TTBK2: variants seen among roughly 807,000 people sequenced by gnomAD.
The protein encoded by TTBK2 is tau tubulin kinase 2.
Under a neutral mutation model 110.8 loss-of-function variants are expected in TTBK2, and 28 were observed. The ratio of observed to expected loss-of-function variants is 0.25; its 90% CI spans 0.19 to 0.35. TTBK2 has a LOEUF of 0.35. Ranked by LOEUF, TTBK2 falls within the 10% of genes least tolerant of loss-of-function variation. TTBK2 has a pLI of 1.00. For missense variants in TTBK2, 1,369 were observed against 1,500.3 expected, an observed-to-expected ratio of 0.91 and a Z score of 1.45; for synonymous variants, 532 against 527.3, an observed-to-expected ratio of 1.01 and a Z score of -0.12.
At chr15:42,916,614 A>AG (rs1324642263) in intron 1 of TTBK2, among the ~76,000 whole-genome samples, 1 of 152,222 alleles carries the variant, frequency 6.6e-6, no homozygotes, top group Non-Finnish European at 1.5e-5. Context: ...TACACGTGTG[A>AG]GCCACCACAC....
At chr15:42,759,034 GA>G (rs779711892) in intron 13 of TTBK2, among the ~76,000 whole-genome samples, 3 of 152,186 alleles carry the variant, frequency 2.0e-5, no homozygotes, top group Non-Finnish European at 4.4e-5. Flanking sequence ...CTGGGGGCCA[GA>G]AGCCACTGCA....
intron 14 of TTBK2, among the ~76,000 whole-genome samples, chr15:42,750,576 A>G (rs2061851777): frequency 6.6e-6 from 1 of 152,116 alleles, no homozygotes; most frequent in Non-Finnish European, 1.5e-5. Context: ...TACAGAAAAA[A>G]AAAGGAGTAA....
At chr15:42,774,412 G>C (rs747759487) in intron 13 of TTBK2, among the ~76,000 whole-genome samples, 1 of 152,118 alleles carries the variant, frequency 6.6e-6, no homozygotes, top group Non-Finnish European at 1.5e-5. Context: ...CAGTCACCAG[G>C]GGCACCACTG....
intron 11 of TTBK2, among the ~76,000 whole-genome samples, chr15:42,780,462 A>G (rs1260837825): frequency 6.6e-6 from 1 of 151,808 alleles, no homozygotes; most frequent in Admixed American, 6.6e-5. Context: ...GGTAGTTAGG[A>G]TATTGCTTAA....
At chr15:42,801,048 C>G (rs1405660287) in intron 9 of TTBK2, 3 of 767,400 alleles carry the variant, frequency 3.9e-6, no homozygotes, top group Admixed American at 1.7e-5. Context: ...CCTGGAGGAG[C>G]TGGTGTGGCT....
Position 42,802,024 on chromosome 15 carries a change from T to G in TTBK2, c.823-7223A>C, listed in dbSNP as rs372010026. 85 of 1,486,526 alleles carry G rather than the reference T, an allele frequency of 5.7e-5. No individual in the cohort carries two copies. In the African/African-American group the frequency reaches 9.0e-4, roughly 16 times the overall value. The allele number at this position is 1,486,526 out of a possible 1,614,324, so 92.1% of individuals were successfully genotyped here. A position where few individuals can be genotyped will look rare whatever the true frequency, so the allele number is the denominator to read the frequency against. On this transcript the variant is annotated intron_variant, in intron 9 of 14. Transcript: ENST00000267890. ...GTTGTCCATGTTGCTCCGAGCCATC[T>G]TCTGCTGCTGCACGAGGCTCCACTT...
chr15:42,846,798 C>T (rs116385302), intron 3 of TTBK2, among the ~76,000 whole-genome samples: 2 of 152,066 alleles, frequency 1.3e-5, no homozygotes, highest in East Asian at 1.9e-4. Context: ...TCAGCCTCAC[C>T]CACCAACCTC....
chr15:42,769,149 A>G (rs1051947225), intron 13 of TTBK2, among the ~76,000 whole-genome samples: 1 of 152,258 alleles, frequency 6.6e-6, no homozygotes, highest in African/African-American at 2.4e-5. Flanking sequence ...ACCTAAAACC[A>G]TAAAAACCCT....
chr15:42,895,576 C>G (rs1895633347), intron 1 of TTBK2, among the ~76,000 whole-genome samples: 1 of 149,794 alleles, frequency 6.7e-6, no homozygotes, highest in South Asian at 2.1e-4. Flanking sequence ...CTCGCTCTGT[C>G]ACCCAGACTG....
Position 42,840,442 on chromosome 15 carries a change from AAAAAG to A in TTBK2, c.218-14_218-10del, listed in dbSNP as rs773226309. ...ACAAACATGGTCTTTCCCTGGATAAAAAAAGAAAACAGTGGAAAAGAATATACTAT... is the reference window on the plus strand; with the variant it reads ...ACAAACATGGTCTTTCCCTGGATAAAAAAACAGTGGAAAAGAATATACTAT... On this transcript the variant is annotated splice_polypyrimidine_tract_variant and intron_variant, in intron 3 of 14. Transcript: ENST00000267890. The A allele has an allele frequency of 6.2e-7, 1 of 1,612,750 alleles. No homozygotes were observed. Among genetic ancestry groups the A allele is most frequent in the Non-Finnish European group, 8.5e-7 (1 of 1,178,760 alleles).
intron 1 of TTBK2, among the ~76,000 whole-genome samples, chr15:42,901,327 A>G (rs891566559): frequency 2.0e-5 from 3 of 151,630 alleles, no homozygotes; most frequent in Non-Finnish European, 2.9e-5. Flanking sequence ...ACACCATTGC[A>G]CTCCAGCCTG....
At chr15:42,919,329 C>T (rs1018524628) in intron 1 of TTBK2, among the ~76,000 whole-genome samples, 2 of 152,110 alleles carry the variant, frequency 1.3e-5, no homozygotes, top group African/African-American at 4.8e-5. Flanking sequence ...CATTCAATTC[C>T]CTTGATAAGT....
At chr15:42,754,633 G>A (rs1323525777) in intron 13 of TTBK2, among the ~76,000 whole-genome samples, 2 of 149,166 alleles carry the variant, frequency 1.3e-5, no homozygotes, top group Non-Finnish European at 3.0e-5. Context: ...CCGACCTTAG[G>A]TGATCCACCC....
intron 13 of TTBK2, among the ~76,000 whole-genome samples, chr15:42,771,734 C>T (rs1889687017): frequency 2.0e-5 from 3 of 151,988 alleles, no homozygotes; most frequent in Admixed American, 2.0e-4. Flanking sequence ...TATTTTAAAC[C>T]CCCTTTCCTT....
intron 9 of TTBK2, among the ~76,000 whole-genome samples, chr15:42,800,599 C>T (rs1891141052): frequency 6.6e-6 from 1 of 152,148 alleles, no homozygotes; most frequent in African/African-American, 2.4e-5. Context: ...CAATAAAGTA[C>T]TTAAGCAGGA....
intron 3 of TTBK2, among the ~76,000 whole-genome samples, chr15:42,866,058 A>G (rs1894360106): frequency 6.6e-6 from 1 of 152,188 alleles, no homozygotes; most frequent in Non-Finnish European, 1.5e-5. Flanking sequence ...TAAATTATAT[A>G]CCATACTAAT....
intron 1 of TTBK2, among the ~76,000 whole-genome samples, chr15:42,913,630 T>A (rs1297380022): frequency 6.7e-6 from 1 of 149,992 alleles, no homozygotes; most frequent in Non-Finnish European, 1.5e-5. Context: ...AGAGCGAGAC[T>A]CCGTCTCAAA....
intron 7 of TTBK2, among the ~76,000 whole-genome samples, chr15:42,815,925 T>TATATATA (rs1167141366): frequency 3.0e-5 from 2 of 66,446 alleles, no homozygotes; most frequent in Admixed American, 2.4e-4. Context: ...TATATATATA[T>TATATATA]TTAAAAATAT....
intron 4 of TTBK2, among the ~76,000 whole-genome samples, chr15:42,840,097 T>G (rs1893157846): frequency 6.6e-6 from 1 of 152,174 alleles, no homozygotes; most frequent in African/African-American, 2.4e-5. Flanking sequence ...AGATTCACAT[T>G]ATATCCCCTC....
Sources: allele counts gnomAD v4.1 joint callset (sites outside exome capture counted in the v4.1 genomes callset), GRCh38; gene constraint gnomAD v4.1.1; transcripts MANE v1.5; gene names NCBI Gene and HGNC (gene_info 2026-07-23, HGNC 2026-07-21).